The following TYW1B variants were observed in gnomAD, a reference collection of about 807,000 sequenced individuals.
The protein encoded by TYW1B is tRNA-yW synthesizing protein 1 homolog B.
Under a neutral mutation model 86.9 loss-of-function variants are expected in TYW1B, and 73 were observed. That is an observed-to-expected ratio of 0.84 (90% CI 0.70 to 1.02). The LOEUF is 1.02. Ranked by LOEUF, TYW1B falls within the 50% of genes least tolerant of loss-of-function variation. TYW1B has a pLI of 0.00. For synonymous variants in TYW1B, 248 were observed against 292.8 expected, an observed-to-expected ratio of 0.85 and a Z score of 1.56; for missense variants, 637 against 827.4, an observed-to-expected ratio of 0.77 and a Z score of 2.82.
chr7:72,672,467 C>CATACAA (rs1271083514), intron 11 of TYW1B, among the ~76,000 whole-genome samples: 1 of 94,844 alleles, frequency 1.1e-5, no homozygotes, highest in Non-Finnish European at 2.1e-5. Context: ...TGGGCATACA[C>CATACAA]ACACAAACAC....
intron 10 of TYW1B, among the ~76,000 whole-genome samples, chr7:72,702,974 C>T: frequency 8.9e-5 from 1 of 11,256 alleles, no homozygotes; most frequent in South Asian, 3.0e-3. Context: ...CATCATTCAT[C>T]TATCTATCTA....
intron 11 of TYW1B, among the ~76,000 whole-genome samples, chr7:72,667,584 C>A (rs1471575947): frequency 1.3e-5 from 2 of 152,048 alleles, no homozygotes; most frequent in Non-Finnish European, 2.9e-5. Context: ...TGTGGTGACA[C>A]AGGCCTGTAG....
Position 72,713,644 on chromosome 7 carries a change from A to T in TYW1B, c.1347T>A (p.Asn449Lys), listed in dbSNP as rs1391361575. 7 of 1,613,926 alleles carry T rather than the reference A, an allele frequency of 4.3e-6. No individual in the cohort carries two copies. The Admixed American group carries it at 1.0e-4, about 23-fold the overall frequency. The part of the protein sequence containing the change: ...QCKISSFLVT[N>K]AQFPAEIRNL... Reference sequence around the variant, plus strand: ...ACCTGATTTCCGCAGGAAATTGTGCATTTGTGACCAGGAAGCTGGAGATTT... The same window carrying T: ...ACCTGATTTCCGCAGGAAATTGTGCTTTTGTGACCAGGAAGCTGGAGATTT... The change falls in exon 10 of 14, where the codon AAT (asparagine) becomes AAA (lysine). Residue 449 changes from asparagine (N) to lysine (K), a missense_variant. By Grantham distance (94) the Asn-to-Lys change is moderately conservative. Transcript: ENST00000620995.
At chr7:72,756,751 G>C (rs1186560184) in intron 7 of TYW1B, among the ~76,000 whole-genome samples, 1 of 152,138 alleles carries the variant, frequency 6.6e-6, no homozygotes, top group Non-Finnish European at 1.5e-5. Context: ...ACCTGATAAA[G>C]AGCCCTTAGC....
chr7:72,585,156 T>G (rs1201017364), intron 13 of TYW1B, among the ~76,000 whole-genome samples: 1 of 152,148 alleles, frequency 6.6e-6, no homozygotes, highest in Admixed American at 6.5e-5. Context: ...CACCTCAAAC[T>G]CAAAATGTCA....
intron 10 of TYW1B, among the ~76,000 whole-genome samples, chr7:72,707,106 T>C (rs1331983972): frequency 6.6e-6 from 1 of 152,256 alleles, no homozygotes; most frequent in Non-Finnish European, 1.5e-5. Flanking sequence ...CCTGTCCCAG[T>C]ACCCAAGTGC....
chr7:72,627,172 C>T (rs563986647), intron 12 of TYW1B, among the ~76,000 whole-genome samples: 15 of 152,064 alleles, frequency 9.9e-5, no homozygotes, highest in Admixed American at 6.6e-4. Flanking sequence ...TCAGGCCCGG[C>T]GCGGTAGTTC....
intron 10 of TYW1B, among the ~76,000 whole-genome samples, chr7:72,702,164 A>G (rs1207235615): frequency 1.6e-4 from 24 of 152,188 alleles, no homozygotes; most frequent in Admixed American, 1.6e-3. Flanking sequence ...ACAATTGTCT[A>G]TAATTGTTTA....
chr7:72,618,280 G>C (rs1554437309), intron 12 of TYW1B, among the ~76,000 whole-genome samples: 5 of 132,948 alleles, frequency 3.8e-5, no homozygotes, highest in Non-Finnish European at 7.6e-5. Context: ...GCAGTGGCCT[G>C]ATCTCGGCTC....
intron 11 of TYW1B, among the ~76,000 whole-genome samples, chr7:72,678,070 C>G (rs1406780913): frequency 2.6e-5 from 4 of 152,102 alleles, no homozygotes; most frequent in African/African-American, 9.7e-5. Flanking sequence ...TTTCTGGGAA[C>G]CTGAATACTA....
intron 5 of TYW1B, among the ~76,000 whole-genome samples, chr7:72,806,528 T>C (rs1460301076): frequency 1.3e-5 from 2 of 151,694 alleles, no homozygotes; most frequent in Non-Finnish European, 2.9e-5. Context: ...TGAGCCACCG[T>C]GCCCGGCCTA....
chr7:72,782,426 G>A (rs1273906302), intron 6 of TYW1B, among the ~76,000 whole-genome samples: 2 of 152,124 alleles, frequency 1.3e-5, no homozygotes, highest in African/African-American at 4.8e-5. Flanking sequence ...AAGACTTTAA[G>A]GTAAAATGCT....
At chr7:72,727,651 C>T (rs1787024561) in intron 9 of TYW1B, among the ~76,000 whole-genome samples, 2 of 151,606 alleles carry the variant, frequency 1.3e-5, no homozygotes, top group Non-Finnish European at 2.9e-5. Context: ...ACCCCATCTT[C>T]ACAAAAAATT....
intron 13 of TYW1B, 121 bp downstream of exon 13, chr7:72,616,551 G>C (rs1554436879): frequency 6.8e-7 from 1 of 1,462,006 alleles, no homozygotes; most frequent in African/African-American, 1.4e-5. Context: ...TTTTTGTTTT[G>C]GGAAAGGTAG....
At position 72,771,615 on chromosome 7, in the gene TYW1B, C is replaced by T. The variant is rs576365761; in HGVS notation, c.964+5801G>A. ...CCTGCAAAGCTTCACCCCTGAGTGGCTCCCAATCAACTGATAACCTGAGTG... is the reference window on the plus strand; with the variant it reads ...CCTGCAAAGCTTCACCCCTGAGTGGTTCCCAATCAACTGATAACCTGAGTG... On this transcript the variant is annotated intron_variant, in intron 7 of 13. Coordinates refer to ENST00000620995, the MANE Select transcript of TYW1B (RefSeq NM_001145440.3). Among the ~76,000 whole-genome samples, 634 of 152,196 alleles carry T rather than the reference C, an allele frequency of 4.2e-3. 3 individuals are homozygous for T. The highest frequency in any genetic ancestry group is 0.014 in the African/African-American group (600 of 41,542).
intron 6 of TYW1B, among the ~76,000 whole-genome samples, chr7:72,786,191 T>C (rs1585982495): frequency 6.6e-6 from 1 of 152,084 alleles, no homozygotes; most frequent in East Asian, 1.9e-4. Flanking sequence ...AAGTTTAGTA[T>C]CCCATATCCC....
At chr7:72,755,703 T>C (rs782244677) in intron 7 of TYW1B, among the ~76,000 whole-genome samples, 38 of 152,156 alleles carry the variant, frequency 2.5e-4, no homozygotes, top group Non-Finnish European at 4.1e-4. Context: ...AGAATATTCC[T>C]GCCCCATAGG....
Position 72,777,384 on chromosome 7 carries a change from G to A in TYW1B, c.964+32C>T, listed in dbSNP as rs781945641. 3.7e-6 allele frequency: 6 copies of A among 1,611,406 alleles called. No individual in the cohort carries two copies. In the South Asian group the frequency reaches 4.4e-5, roughly 12 times the overall value. On this transcript the variant is annotated intron_variant, in intron 7 of 13. Coordinates refer to ENST00000620995, the MANE Select transcript of TYW1B (RefSeq NM_001145440.3). ...TCAAATGAGAATGCCTAAGACTATA[G>A]TCATATAACAACAATTCTTGAAGAT...
At chr7:72,760,598 T>TA (rs1787670537) in intron 7 of TYW1B, among the ~76,000 whole-genome samples, 1 of 152,216 alleles carries the variant, frequency 6.6e-6, no homozygotes, top group Admixed American at 6.5e-5. Context: ...AGAAGTCCCT[T>TA]AAAGAGAAAG....
Sources: allele counts gnomAD v4.1 joint callset (sites outside exome capture counted in the v4.1 genomes callset), GRCh38; gene constraint gnomAD v4.1.1; transcripts MANE v1.5; gene names NCBI Gene and HGNC (gene_info 2026-07-23, HGNC 2026-07-21).